The following SLC14A2 variants were observed in gnomAD, a reference collection of about 807,000 sequenced individuals.
SLC14A2 encodes the protein urea transporter 2.
SLC14A2 carries 91 observed loss-of-function variants against 104.6 expected under a neutral mutation model. The observed-to-expected ratio is 0.87, with a 90% confidence interval of 0.73 to 1.04. The LOEUF (loss-of-function observed/expected upper bound fraction) is 1.04. Ranked by LOEUF, SLC14A2 falls within the 50% of genes least tolerant of loss-of-function variation. SLC14A2 has a pLI of 0.00. For synonymous variants in SLC14A2, 476 were observed against 466.4 expected (o/e 1.02, Z -0.27); for missense variants, 1,189 against 1,156.0 (o/e 1.03, Z -0.41).
chr18:45,365,199 C>T (rs1432147036), intron 1 of SLC14A2, among the ~76,000 whole-genome samples: 3 of 152,244 alleles, frequency 2.0e-5, no homozygotes, highest in Non-Finnish European at 4.4e-5. Flanking sequence ...CCCAGCTTTA[C>T]AGAGCTAGAG....
intron 1 of SLC14A2, among the ~76,000 whole-genome samples, chr18:45,471,725 T>A (rs1337996134): frequency 6.6e-6 from 1 of 152,144 alleles, no homozygotes; most frequent in Admixed American, 6.6e-5. Flanking sequence ...ATTTTGGTGA[T>A]GACTCTTTTT....
intron 1 of SLC14A2, among the ~76,000 whole-genome samples, chr18:45,618,101 C>G (rs1007422745): frequency 4.6e-5 from 7 of 152,124 alleles, no homozygotes; most frequent in Non-Finnish European, 8.8e-5. Context: ...TTCTAGTAAG[C>G]AGGGCTGTTC....
At chr18:45,313,301 A>G (rs1412460594) in intron 1 of SLC14A2, among the ~76,000 whole-genome samples, 1 of 152,100 alleles carries the variant, frequency 6.6e-6, no homozygotes, top group Non-Finnish European at 1.5e-5. Context: ...CCTGCTCCAC[A>G]CTAGGAATAT....
chr18:45,372,233 G>A (rs537487162), intron 1 of SLC14A2, among the ~76,000 whole-genome samples: 32 of 152,052 alleles, frequency 2.1e-4, no homozygotes, highest in African/African-American at 7.7e-4. Flanking sequence ...AATCGCTTGA[G>A]CCCAGGAGGC....
chr18:45,496,280 T>C (rs1229920364), intron 2 of SLC14A2, among the ~76,000 whole-genome samples: 2 of 152,178 alleles, frequency 1.3e-5, no homozygotes, highest in Non-Finnish European at 2.9e-5. Context: ...ATGGTTAATA[T>C]TAGGTTTCAA....
intron 1 of SLC14A2, among the ~76,000 whole-genome samples, chr18:45,358,489 T>C (rs12970591): frequency 0.058 from 8,893 of 152,214 alleles, 529 homozygotes; most frequent in African/African-American, 0.15. Context: ...AATGAGAATA[T>C]TGAAAGACTC....
chr18:45,596,895 C>T (rs1599045443), intron 2 of SLC14A2, among the ~76,000 whole-genome samples: 1 of 152,230 alleles, frequency 6.6e-6, no homozygotes, highest in East Asian at 1.9e-4. Context: ...GCACTCCTCA[C>T]CACTCAGCCC....
Position 45,455,622 on chromosome 18 carries a change from C to T in SLC14A2, c.-124-27611C>T, listed in dbSNP as rs1344175429. ...ACAAAACTGCACATTCTGCCATGTACCCCAGAACTTAAAGCATAATAATAA... is the reference window on the plus strand; with the variant it reads ...ACAAAACTGCACATTCTGCCATGTATCCCAGAACTTAAAGCATAATAATAA... On this transcript the variant is annotated intron_variant, in intron 1 of 20. Coordinates refer to the SLC14A2 transcript ENST00000586448. Among the ~76,000 whole-genome samples, 5 of 142,654 alleles carry T rather than the reference C, an allele frequency of 3.5e-5. No homozygotes were observed. The Admixed American group carries it at 3.6e-4, about 10-fold the overall frequency. 93.6% of individuals were successfully genotyped at this position (142,654 alleles called of 152,430 possible). A position where few individuals can be genotyped will look rare whatever the true frequency, so the allele number is the denominator to read the frequency against.
chr18:45,199,730 G>T, the SLC14A2 span, among the ~76,000 whole-genome samples: 1 of 152,266 alleles, frequency 6.6e-6, no homozygotes, highest in South Asian at 2.1e-4. Flanking sequence ...GGGTTGTCTG[G>T]ATTCATAGGA....
chr18:45,468,148 G>A lies in SLC14A2; in HGVS notation c.-124-15085G>A, dbSNP rs1208408874. Among the ~76,000 whole-genome samples, 3 of 152,094 alleles carry A rather than the reference G, an allele frequency of 2.0e-5. No individual in the cohort carries two copies. The East Asian group carries it at 5.8e-4, about 29-fold the overall frequency. On this transcript the variant is annotated intron_variant, in intron 1 of 20. Transcript: ENST00000586448. Reference sequence around the variant, plus strand: ...AGCCCTGCAGGAAATCCCGAGCTAAGAAACAAGAACAATTTGAAAGGATGC... The same window carrying A: ...AGCCCTGCAGGAAATCCCGAGCTAAAAAACAAGAACAATTTGAAAGGATGC...
At chr18:45,248,079 A>T (rs2084384763) in intron 1 of SLC14A2, among the ~76,000 whole-genome samples, 1 of 152,170 alleles carries the variant, frequency 6.6e-6, no homozygotes, top group African/African-American at 2.4e-5. Flanking sequence ...TATGTCAATA[A>T]TCCATTGAGA....
chr18:45,446,904 G>A (rs1282455320), intron 1 of SLC14A2, among the ~76,000 whole-genome samples: 1 of 152,082 alleles, frequency 6.6e-6, no homozygotes, highest in Non-Finnish European at 1.5e-5. Flanking sequence ...TGAGCCCTCG[G>A]CTTCCTATCT....
intron 1 of SLC14A2, among the ~76,000 whole-genome samples, chr18:45,453,597 T>C (rs946075913): frequency 2.0e-5 from 3 of 152,172 alleles, no homozygotes; most frequent in Non-Finnish European, 4.4e-5. Flanking sequence ...GATTTTTGCA[T>C]TAACTTTCAT....
intron 2 of SLC14A2, among the ~76,000 whole-genome samples, chr18:45,532,040 G>A (rs1327823802): frequency 1.3e-5 from 2 of 152,118 alleles, no homozygotes; most frequent in Admixed American, 6.6e-5. Context: ...TGAGGTCTCT[G>A]TTCTGTTCCA....
intron 1 of SLC14A2, among the ~76,000 whole-genome samples, chr18:45,616,307 TAA>T (rs1313921223): frequency 6.6e-6 from 1 of 152,248 alleles, no homozygotes; most frequent in East Asian, 1.9e-4. Context: ...TTTAATAATA[TAA>T]AGAGTTGCAT....
intron 1 of SLC14A2, among the ~76,000 whole-genome samples, chr18:45,416,815 A>G (rs1229639034): frequency 6.6e-6 from 1 of 152,190 alleles, no homozygotes; most frequent in Admixed American, 6.5e-5. Context: ...AGGACATTTG[A>G]TCATTTGAAT....
intron 1 of SLC14A2, among the ~76,000 whole-genome samples, chr18:45,420,829 C>T (rs1188993817): frequency 6.6e-6 from 1 of 151,780 alleles, no homozygotes; most frequent in Admixed American, 6.6e-5. Flanking sequence ...CAACCTCCGC[C>T]TCCCGGGTTC....
At chr18:45,515,258 T>C (rs1026922131) in intron 2 of SLC14A2, among the ~76,000 whole-genome samples, 2 of 152,254 alleles carry the variant, frequency 1.3e-5, no homozygotes, top group East Asian at 3.8e-4. Context: ...AGTAACTGCT[T>C]TGTCATATTG....
intron 1 of SLC14A2, among the ~76,000 whole-genome samples, chr18:45,319,102 C>G (rs538522636): frequency 6.6e-6 from 1 of 152,314 alleles, no homozygotes; most frequent in African/African-American, 2.4e-5. Flanking sequence ...CATACAATTT[C>G]TGCCCACCTT....
Sources: gnomAD v4.1 joint callset for allele counts (sites outside exome capture counted in the v4.1 genomes callset) on GRCh38, gnomAD v4.1.1 for gene constraint, MANE v1.5 for transcripts, NCBI Gene and HGNC (gene_info 2026-07-23, HGNC 2026-07-21) for gene names.